Variants in GLIS3 observed in about 807,000 individuals in gnomAD.
GLIS3 encodes the protein zinc finger protein GLIS3.
Under a neutral mutation model 78.6 loss-of-function variants are expected in GLIS3, and 53 were observed. That is an observed-to-expected ratio of 0.67 (90% confidence interval 0.54 to 0.85). The LOEUF is 0.85. GLIS3 is among the 40% of genes least tolerant of loss of function. GLIS3 has a pLI of 0.00. For synonymous variants in GLIS3, 684 were observed against 509.9 expected (o/e 1.34, Z -4.60); for missense variants, 1,703 against 1,231.1 (o/e 1.38, Z -5.74).
At position 4,224,721 on chromosome 9, in the gene GLIS3, G is replaced by GTTT. The variant is rs5896053; in HGVS notation, c.388+61314_388+61316dup. Among the ~76,000 whole-genome samples the GTTT allele has an allele frequency of 4.9e-5, 7 of 141,898 alleles. No individual in the cohort carries two copies. In the East Asian group the frequency reaches 6.1e-4, roughly 12 times the overall value. The allele number at this position is 141,898 out of a possible 152,430, so 93.1% of individuals were successfully genotyped here. ...ACTTACCTGTTTTTCATCTTTTTCT[G>GTTT]TTTTTTTTTTTTTATTTCTATCTTT... On this transcript the variant is annotated intron_variant, in intron 2 of 10. Transcript: ENST00000381971.
At chr9:3,963,527 T>C (rs1347413017) in intron 4 of GLIS3, among the ~76,000 whole-genome samples, 1 of 152,102 alleles carries the variant, frequency 6.6e-6, no homozygotes, top group African/African-American at 2.4e-5. Context: ...ATCTCCCAAC[T>C]GTTAGTGACT....
At chr9:4,029,086 C>T (rs1823594919) in intron 4 of GLIS3, among the ~76,000 whole-genome samples, 1 of 152,062 alleles carries the variant, frequency 6.6e-6, no homozygotes, top group Non-Finnish European at 1.5e-5. Flanking sequence ...AAAGTAGTTT[C>T]CATTACCCAA....
rs571432000 is a variant in GLIS3 at position 4,299,820 on chromosome 9, T to A, written c.-498A>T. 1.3e-5 allele frequency: 2 copies of A among 152,610 alleles called. No individual in the cohort carries two copies. The highest frequency in any genetic ancestry group is 4.1e-4 in the South Asian group (2 of 4,824). The allele number at this position is 152,610 out of a possible 1,614,324, so 9.5% of individuals were successfully genotyped here. A position where few individuals can be genotyped will look rare whatever the true frequency, so the allele number is the denominator to read the frequency against. On this transcript the variant is annotated 5_prime_UTR_variant, in exon 1 of 11. It adds an upstream start codon to the 5' untranslated region. Transcript: ENST00000381971. Reference sequence around the variant, plus strand: ...ATCCTCGTCCTGGGCCGGGGAATGCTTCTGGGGGCCGACCCCGGGATGCTG... The same window carrying A: ...ATCCTCGTCCTGGGCCGGGGAATGCATCTGGGGGCCGACCCCGGGATGCTG...
the GLIS3 span, among the ~76,000 whole-genome samples, chr9:4,470,140 A>T: frequency 6.6e-6 from 1 of 152,302 alleles, no homozygotes; most frequent in South Asian, 2.1e-4. Context: ...ACAGTCCAGG[A>T]CCAGACGGAT....
intron 2 of GLIS3, among the ~76,000 whole-genome samples, chr9:4,247,682 A>G (rs555061702): frequency 5.3e-5 from 8 of 152,356 alleles, no homozygotes; most frequent in African/African-American, 1.9e-4. Flanking sequence ...TTAAATATTA[A>G]AAGAAGTAAC....
chr9:4,171,339 A>C (rs1816357345), intron 2 of GLIS3, among the ~76,000 whole-genome samples: 1 of 152,220 alleles, frequency 6.6e-6, no homozygotes, highest in South Asian at 2.1e-4. Context: ...GCCTAGTAAT[A>C]AGAAAGATTC....
intron 2 of GLIS3, among the ~76,000 whole-genome samples, chr9:4,143,232 C>A (rs538457686): frequency 2.0e-5 from 3 of 151,748 alleles, no homozygotes; most frequent in African/African-American, 7.3e-5. Flanking sequence ...CATGTGCGCA[C>A]GTGTGTATTT....
intron 4 of GLIS3, among the ~76,000 whole-genome samples, chr9:3,937,417 A>T (rs1382955352): frequency 6.6e-6 from 1 of 152,130 alleles, no homozygotes; most frequent in Non-Finnish European, 1.5e-5. Flanking sequence ...TGGGTCCCAA[A>T]CTGATTTCTG....
intron 2 of GLIS3, among the ~76,000 whole-genome samples, chr9:4,186,606 G>C (rs964160677): frequency 6.6e-6 from 1 of 151,346 alleles, no homozygotes; most frequent in Admixed American, 6.6e-5. Context: ...CTAGTTTACA[G>C]TCCCACCAAC....
At chr9:4,452,416 A>G in the GLIS3 span, among the ~76,000 whole-genome samples, 2 of 152,222 alleles carry the variant, frequency 1.3e-5, no homozygotes, top group Non-Finnish European at 2.9e-5. Context: ...TTGTATATTT[A>G]GGAAACCCCA....
At chr9:3,850,484 T>C (rs2130173288) in intron 9 of GLIS3, among the ~76,000 whole-genome samples, 1 of 152,346 alleles carries the variant, frequency 6.6e-6, no homozygotes, top group Non-Finnish European at 1.5e-5. Context: ...CCTGACATCA[T>C]TCCCCTATTA....
intron 2 of GLIS3, among the ~76,000 whole-genome samples, chr9:4,212,673 GAA>G (rs1280648970): frequency 6.6e-6 from 1 of 152,190 alleles, no homozygotes; most frequent in African/African-American, 2.4e-5. Context: ...GAGGCCAAAG[GAA>G]AAGAGTTTTC....
At chr9:4,056,265 G>A (rs934022014) in intron 4 of GLIS3, among the ~76,000 whole-genome samples, 4 of 152,208 alleles carry the variant, frequency 2.6e-5, no homozygotes, top group Non-Finnish European at 5.9e-5. Flanking sequence ...CAACCTTGAA[G>A]ACATGGGAAT....
chr9:4,325,665 T>C (rs1450296876), intron 2 of GLIS3, among the ~76,000 whole-genome samples: 3 of 152,250 alleles, frequency 2.0e-5, no homozygotes, highest in Admixed American at 2.0e-4. Flanking sequence ...CACTTCCACC[T>C]AGAGTTTGAG....
In GLIS3 at chr9:3,826,350, T is replaced by G. The variant is rs1817723643; in HGVS notation, c.*1922A>C. 1 of 152,176 alleles carries G rather than the reference T, an allele frequency of 6.6e-6. No individual in the cohort carries two copies. Among genetic ancestry groups the G allele is most frequent in the South Asian group, 2.1e-4 (1 of 4,826 alleles). The allele number at this position is 152,176 out of a possible 1,614,324, so 9.4% of individuals were successfully genotyped here. ...GTGAGCATGCATATGTTAGGCCACT[T>G]GTTTAGGCCAAGTGACACGACCCAC... On this transcript the variant is annotated 3_prime_UTR_variant, in exon 11 of 11. Coordinates refer to ENST00000381971, the MANE Select transcript of GLIS3 (RefSeq NM_001042413.2).
intron 4 of GLIS3, among the ~76,000 whole-genome samples, chr9:3,980,436 G>C (rs575763563): frequency 6.6e-6 from 1 of 152,266 alleles, no homozygotes; most frequent in East Asian, 1.9e-4. Context: ...TGAAATGTAA[G>C]CCAGACATAC....
chr9:4,054,681 A>C (rs972565722), intron 4 of GLIS3, among the ~76,000 whole-genome samples: 14 of 152,206 alleles, frequency 9.2e-5, no homozygotes, highest in Non-Finnish European at 1.9e-4. Flanking sequence ...TTCTCAACAA[A>C]AAAAAAGTAA....
In GLIS3 at chr9:4,046,150, A is replaced by C. The variant is rs1452207961; in HGVS notation, c.1710+71618T>G. 2.0e-5 allele frequency among the ~76,000 whole-genome samples: 3 copies of C among 152,192 alleles called. No individual in the cohort carries two copies. In the East Asian group the frequency reaches 5.8e-4, roughly 29 times the overall value. ...TAAGGTCTCTTATGGCAGTCTTATA[A>C]ATTATAGAGGGGGGTGTAAAACTTG... On this transcript the variant is annotated intron_variant, in intron 4 of 10. Transcript: ENST00000381971.
chr9:4,166,773 T>C (rs1446933734), intron 2 of GLIS3, among the ~76,000 whole-genome samples: 2 of 152,242 alleles, frequency 1.3e-5, no homozygotes, highest in African/African-American at 4.8e-5. Context: ...GTCTCATGTG[T>C]TCTCAGCATG....
Sources: allele counts gnomAD v4.1 joint callset (sites outside exome capture counted in the v4.1 genomes callset), GRCh38; gene constraint gnomAD v4.1.1; transcripts MANE v1.5; gene names NCBI Gene and HGNC (gene_info 2026-07-23, HGNC 2026-07-21).